FGF20: variants seen among roughly 807,000 people sequenced by gnomAD.
The protein encoded by FGF20 is fibroblast growth factor 20.
Under a neutral mutation model 16.7 loss-of-function variants are expected in FGF20, and 8 were observed. The observed-to-expected ratio is 0.48, with a 90% confidence interval of 0.28 to 0.87. FGF20 has a LOEUF of 0.87. Among genes scored for constraint, FGF20 ranks in the 40% least tolerant of loss-of-function variants. FGF20 has a pLI of 0.10. For missense variants in FGF20, 397 were observed against 281.4 expected (o/e 1.41, Z -2.94); for synonymous variants, 161 against 118.6 (o/e 1.36, Z -2.32).
In FGF20 at chr8:17,001,792, G is replaced by T. The variant is rs1208644279; in HGVS notation, c.241C>A (p.Pro81Thr). 1.3e-6 allele frequency: 2 copies of T among 1,567,918 alleles called. No homozygotes were observed. Among genetic ancestry groups the T allele is most frequent in the Non-Finnish European group, 1.7e-6 (2 of 1,161,264 alleles). Residue 81 changes from proline to threonine, a missense_variant, in exon 1 of 3, where the codon CCC (proline) becomes ACC (threonine). Pro to Thr is a conservative substitution (Grantham distance 38). Transcript: ENST00000180166. Reference protein sequence around the residue: ...CRTGFHLQILPDGSVQGTRQD... With the variant: ...CRTGFHLQILTDGSVQGTRQD... ...CGGGTGCCCTGCACGCTGCCGTCGG[G>T]CAGGATCTGCAGGTGGAAGCCGGTG...
chr8:16,999,635 C>A (rs1810136116), intron 1 of FGF20, among the ~76,000 whole-genome samples: 1 of 149,010 alleles, frequency 6.7e-6, no homozygotes, highest in African/African-American at 2.5e-5. Context: ...CAATTCTCTG[C>A]CTCAGCCTCC....
In FGF20 at chr8:16,992,925, T is replaced by A. The variant is rs904598532; in HGVS notation, c.*147A>T. The A allele has an allele frequency of 6.5e-6, 7 of 1,079,486 alleles. No individual in the cohort carries two copies. The highest frequency in any genetic ancestry group is 9.1e-6 in the Non-Finnish European group (7 of 765,974). 66.9% of individuals were successfully genotyped at this position (1,079,486 alleles called of 1,614,324 possible). ...TAGTCAAAATTTTTTTTGGTTTTTT[T>A]TCTCAATATTCTTTCCAAATCCAGT... On this transcript the variant is annotated 3_prime_UTR_variant, in exon 3 of 3. Transcript: ENST00000180166.
rs1459900849 is a variant in FGF20, at chr8:17,001,921, C to G, written c.112G>C (p.Gly38Arg). The G allele has an allele frequency of 1.1e-5, 17 of 1,490,634 alleles. No individual in the cohort carries two copies. Among genetic ancestry groups the G allele is most frequent in the Non-Finnish European group, 8.0e-6 (9 of 1,121,698 alleles). 92.3% of individuals were successfully genotyped at this position (1,490,634 alleles called of 1,614,324 possible). A position where few individuals can be genotyped will look rare whatever the true frequency, so the allele number is the denominator to read the frequency against. Reference protein sequence around the residue: ...PPAGERPPLLGERRSAAERSA... With the variant: ...PPAGERPPLLRERRSAAERSA... The stretch of plus-strand genomic sequence containing the variant: ...CGCTCCGCCGCGCTCCTGCGCTCGC[C>G]CAGCAGCGGCGGCCGCTCCCCGGCA... The change falls in exon 1 of 3, where the codon GGC becomes CGC. Residue 38 changes from glycine (G) to arginine (R), a missense_variant. By Grantham distance (125) the Gly-to-Arg change is moderately radical. Coordinates refer to ENST00000180166, the MANE Select transcript of FGF20 (RefSeq NM_019851.3).
At chr8:17,000,069 C>G (rs1810147579) in intron 1 of FGF20, among the ~76,000 whole-genome samples, 1 of 152,110 alleles carries the variant, frequency 6.6e-6, no homozygotes, top group South Asian at 2.1e-4. Flanking sequence ...TCTTCAGAAT[C>G]GAAGTCTCAG....
chr8:16,995,588 A>G (rs1810023658), intron 2 of FGF20, 67 bp downstream of exon 2: 1 of 637,102 alleles, frequency 1.6e-6, no homozygotes, highest in Non-Finnish European at 2.5e-6. Flanking sequence ...TAGACATTTT[A>G]ATTACATAAT....
chr8:16,998,780 T>A (rs1277046538), intron 1 of FGF20, among the ~76,000 whole-genome samples: 1 of 151,940 alleles, frequency 6.6e-6, no homozygotes, highest in Admixed American at 6.5e-5. Flanking sequence ...TCAGAAATGA[T>A]TCCATGTTTA....
intron 1 of FGF20, among the ~76,000 whole-genome samples, chr8:16,999,597 A>G (rs939596880): frequency 7.3e-6 from 1 of 136,416 alleles, no homozygotes; most frequent in Non-Finnish European, 1.5e-5. Flanking sequence ...ATCTTGGCTC[A>G]CTGCAACCTG....
At position 17,002,245 on chromosome 8, in the gene FGF20, C is replaced by T. The variant is rs1403832387; in HGVS notation, c.-213G>A. 1 of 477,460 alleles carries T rather than the reference C, an allele frequency of 2.1e-6. No individual in the cohort carries two copies. The highest frequency in any genetic ancestry group is 3.9e-5 in the South Asian group (1 of 25,612). 29.6% of individuals were successfully genotyped at this position (477,460 alleles called of 1,614,324 possible). On this transcript the variant is annotated 5_prime_UTR_variant, in exon 1 of 3. Transcript: ENST00000180166. Reference sequence around the variant, plus strand: ...CTTCTCTCCTTGGGTAGGTGGGAGCCGGCTGCTGGCTCTGCAGAAATATCT... The same window carrying T: ...CTTCTCTCCTTGGGTAGGTGGGAGCTGGCTGCTGGCTCTGCAGAAATATCT...
intron 2 of FGF20, among the ~76,000 whole-genome samples, chr8:16,994,749 G>C (rs905350078): frequency 3.9e-5 from 6 of 152,162 alleles, no homozygotes; most frequent in African/African-American, 1.2e-4. Context: ...GTCAATTCTT[G>C]ATGGAAATAA....
chr8:16,997,188 C>T (rs1810074967), intron 1 of FGF20, among the ~76,000 whole-genome samples: 1 of 152,170 alleles, frequency 6.6e-6, no homozygotes, highest in South Asian at 2.1e-4. Context: ...CCCTCTGGAT[C>T]ACCCTTTTTT....
At position 17,001,955 on chromosome 8, in the gene FGF20, C is replaced by T. The variant is rs1274005326; in HGVS notation, c.78G>A (p.Leu26=). The change falls in exon 1 of 3, where the codon CTG becomes CTA. Residue 26 remains leucine (L), a synonymous_variant. Coordinates refer to ENST00000180166, the MANE Select transcript of FGF20 (RefSeq NM_019851.3). ...GLGQQVGSHF[L]LPPAGERPPL... ...GCGGCCGCTCCCCGGCAGGAGGCAA[C>T]AGGAAATGCGAACCCACCTGCTGGC... The T allele has an allele frequency of 4.0e-6, 6 of 1,504,854 alleles. No individual in the cohort carries two copies. In the East Asian group the frequency reaches 8.8e-5, roughly 22 times the overall value. 93.2% of individuals were successfully genotyped at this position (1,504,854 alleles called of 1,614,324 possible).
chr8:16,997,325 C>A (rs563121893), intron 1 of FGF20, among the ~76,000 whole-genome samples: 1 of 152,106 alleles, frequency 6.6e-6, no homozygotes, highest in Non-Finnish European at 1.5e-5. Context: ...TACCTTCACC[C>A]CTTCACCCCA....
intron 1 of FGF20, among the ~76,000 whole-genome samples, chr8:16,996,906 A>C (rs1810066057): frequency 6.6e-6 from 1 of 152,230 alleles, no homozygotes; most frequent in Non-Finnish European, 1.5e-5. Flanking sequence ...CTGTTTCTTG[A>C]GGACAATACA....
chr8:16,998,848 T>C (rs1810118496), intron 1 of FGF20, among the ~76,000 whole-genome samples: 1 of 149,040 alleles, frequency 6.7e-6, no homozygotes, highest in Non-Finnish European at 1.5e-5. Flanking sequence ...CCATCATAAA[T>C]ACAGAGATAA....
Position 16,992,873 on chromosome 8 carries a change from A to C in FGF20, c.*199T>G. ...ATGTATCTAAGGGAACTTAATCCAC[A>C]TATAAAGAGTGATCATGATCTATTT... On this transcript the variant is annotated 3_prime_UTR_variant, in exon 3 of 3. Transcript: ENST00000180166. 1.7e-6 allele frequency: 1 copy of C among 605,442 alleles called. No homozygotes were observed. The highest frequency in any genetic ancestry group is 2.8e-6 in the Non-Finnish European group (1 of 359,044). The allele number at this position is 605,442 out of a possible 1,614,324, so 37.5% of individuals were successfully genotyped here. A position where few individuals can be genotyped will look rare whatever the true frequency, so the allele number is the denominator to read the frequency against.
intron 1 of FGF20, among the ~76,000 whole-genome samples, chr8:16,998,042 G>A (rs1336087494): frequency 3.3e-5 from 5 of 152,122 alleles, no homozygotes; most frequent in Admixed American, 2.0e-4. Context: ...AATAGAGCAA[G>A]TTTTCAATTA....
intron 1 of FGF20, among the ~76,000 whole-genome samples, chr8:16,997,098 T>C (rs192619571): frequency 7.1e-4 from 108 of 152,358 alleles, no homozygotes; most frequent in African/African-American, 2.4e-3. Flanking sequence ...ATTATTTCCA[T>C]TTATCAGTAA....
At chr8:16,999,245 T>C (rs1810127653) in intron 1 of FGF20, among the ~76,000 whole-genome samples, 1 of 152,230 alleles carries the variant, frequency 6.6e-6, no homozygotes, top group African/African-American at 2.4e-5. Context: ...ATAGAGTGAC[T>C]TACATTGGCA....
rs775860388 is a variant in FGF20 at position 17,001,802 on chromosome 8, C to G, written c.231G>C (p.Leu77=). 1 of 1,564,112 alleles carries G rather than the reference C, an allele frequency of 6.4e-7. No homozygotes were observed. The highest frequency in any genetic ancestry group is 1.2e-5 in the South Asian group (1 of 86,310). ...RQLYCRTGFH[L]QILPDGSVQG... ...GCACGCTGCCGTCGGGCAGGATCTG[C>G]AGGTGGAAGCCGGTGCGGCAATAGA... Residue 77 remains leucine (L), a synonymous_variant, in exon 1 of 3, where the codon CTG becomes CTC. Transcript: ENST00000180166.
Sources: gnomAD v4.1 joint callset for allele counts (sites outside exome capture counted in the v4.1 genomes callset) on GRCh38, gnomAD v4.1.1 for gene constraint, MANE v1.5 for transcripts, NCBI Gene and HGNC (gene_info 2026-07-23, HGNC 2026-07-21) for gene names.